The following PPARG variants were observed in gnomAD, a reference collection of about 807,000 sequenced individuals.
The protein encoded by PPARG is peroxisome proliferator activated receptor gamma, also known as peroxisome proliferator-activated receptor gamma.
PPARG carries 17 observed loss-of-function variants against 39.2 expected under a neutral mutation model. That is an observed-to-expected ratio of 0.43 (90% CI 0.30 to 0.65). The LOEUF is 0.65. PPARG is among the 30% of genes least tolerant of loss of function. PPARG has a pLI of 0.13. For synonymous variants in PPARG, 223 were observed against 215.7 expected (o/e 1.03, Z -0.30); for missense variants, 406 against 585.9 (o/e 0.69, Z 3.17).
intron 2 of PPARG, among the ~76,000 whole-genome samples, chr3:12,323,462 G>A (rs1465783359): frequency 2.0e-5 from 3 of 150,978 alleles, no homozygotes; most frequent in South Asian, 2.1e-4. Flanking sequence ...CAAAGGAGGG[G>A]ACTTTTAAGA....
At chr3:12,345,188 A>G (rs970364348) in intron 2 of PPARG, among the ~76,000 whole-genome samples, 3 of 152,198 alleles carry the variant, frequency 2.0e-5, no homozygotes, top group African/African-American at 7.2e-5. Context: ...AAAACATCAT[A>G]CCAGAAGAAC....
At chr3:12,367,638 C>T (rs575080656) in intron 2 of PPARG, among the ~76,000 whole-genome samples, 2 of 150,408 alleles carry the variant, frequency 1.3e-5, no homozygotes, top group Non-Finnish European at 3.0e-5. Context: ...TGCTTGAGTC[C>T]GGGAGTTTGA....
chr3:12,387,376 C>T (rs1394264972), intron 4 of PPARG, among the ~76,000 whole-genome samples: 3 of 152,162 alleles, frequency 2.0e-5, no homozygotes, highest in African/African-American at 2.4e-5. Flanking sequence ...TCCTCTCCAG[C>T]GTCTGTTTTT....
chr3:12,389,701 G>T (rs897318508), intron 4 of PPARG, among the ~76,000 whole-genome samples: 1 of 152,034 alleles, frequency 6.6e-6, no homozygotes, highest in Non-Finnish European at 1.5e-5. Context: ...GACCAGCCTG[G>T]CCAACTTGGT....
intron 2 of PPARG, among the ~76,000 whole-genome samples, chr3:12,330,876 G>A (rs1399786876): frequency 6.6e-6 from 1 of 152,088 alleles, no homozygotes. Context: ...ACAGATTCTT[G>A]GAGATCCACA....
intron 7 of PPARG, 51 bp from the exon 8 acceptor site, chr3:12,433,847 A>G (rs1043651108): frequency 6.2e-7 from 1 of 1,612,596 alleles, no homozygotes; most frequent in Non-Finnish European, 8.5e-7. Context: ...CGGGGCCCAG[A>G]GGATTTTTTG....
intron 2 of PPARG, among the ~76,000 whole-genome samples, chr3:12,364,707 G>A (rs2048959698): frequency 6.6e-6 from 1 of 152,186 alleles, no homozygotes; most frequent in Non-Finnish European, 1.5e-5. Flanking sequence ...TCAGCATTTG[G>A]TGGTGTTAGT....
In PPARG at chr3:12,306,165, T is replaced by C. The variant is rs2047057852; in HGVS notation, c.-82-6215T>C. On this transcript the variant is annotated intron_variant, in intron 1 of 7. Transcript: ENST00000651735. ...GGTTTCAGGATGAAACTGTTCCACCTTAGATCATCAGGCATTAGTTAGATT... is the reference window on the plus strand; with the variant it reads ...GGTTTCAGGATGAAACTGTTCCACCCTAGATCATCAGGCATTAGTTAGATT... Among the ~76,000 whole-genome samples, 4 of 152,242 alleles carry C rather than the reference T, an allele frequency of 2.6e-5. 1 individual carries two copies. Among genetic ancestry groups the C allele is most frequent in the Admixed American group, 2.6e-4 (4 of 15,288 alleles).
chr3:12,401,855 C>G (rs539279788), intron 5 of PPARG, among the ~76,000 whole-genome samples: 1 of 152,186 alleles, frequency 6.6e-6, no homozygotes, highest in South Asian at 2.1e-4. Context: ...TTAGAGTTAG[C>G]CTTTGGGGGG....
At chr3:12,432,162 G>A (rs573465167) in intron 7 of PPARG, among the ~76,000 whole-genome samples, 3 of 152,318 alleles carry the variant, frequency 2.0e-5, no homozygotes, top group Admixed American at 1.3e-4. Context: ...TCAGGGAACA[G>A]ATCATTACTG....
upstream of PPARG, chr3:12,287,470 T>C (rs920144167): frequency 6.6e-6 from 1 of 152,202 alleles, no homozygotes; most frequent in Non-Finnish European, 1.5e-5. Context: ...TTTTAAAATG[T>C]CACTGGAAAG....
rs1559515493 is a variant in PPARG, at chr3:12,379,788, A to G, written c.77A>G (p.His26Arg). 1.9e-6 allele frequency: 3 copies of G among 1,613,688 alleles called. No individual in the cohort carries two copies. The highest frequency in any genetic ancestry group is 1.7e-5 in the Admixed American group (1 of 59,952). ...GTGGATCTCTCCGTAATGGAAGACC[A>G]CTCCCACTCCTTTGATATCAAGCCC... The part of the protein sequence containing the change: ...SSVDLSVMED[H>R]SHSFDIKPFT... Residue 26 changes from histidine (H) to arginine (R), a missense_variant, in exon 3 of 8, where the codon CAC becomes CGC. This residue lies in a region of PPARG where 131 missense variants were observed against 127.9 expected (regional missense o/e 1.02). Transcript: ENST00000651735.
intron 1 of PPARG, among the ~76,000 whole-genome samples, chr3:12,310,526 G>C (rs1438025846): frequency 9.2e-6 from 1 of 109,184 alleles, no homozygotes; most frequent in East Asian, 4.1e-4. Flanking sequence ...TGCAGTGGCG[G>C]GATCTCGGCT....
At position 12,296,254 on chromosome 3, in the gene PPARG, CAAAAAAA is replaced by C. The variant is rs545210244; in HGVS notation, c.-83+7139_-83+7145del. 7.2e-4 allele frequency among the ~76,000 whole-genome samples: 35 copies of C among 48,648 alleles called. 1 individual carries two copies. The East Asian group carries it at 0.013, about 17-fold the overall frequency. The allele number at this position is 48,648 out of a possible 152,430, so 31.9% of individuals were successfully genotyped here. A position where few individuals can be genotyped will look rare whatever the true frequency, so the allele number is the denominator to read the frequency against. On this transcript the variant is annotated intron_variant, in intron 1 of 7. Transcript: ENST00000651735. ...TGGGCAACAGAGCAACACTTTGTCT[CAAAAAAA>C]AAAAAAAAAAAAAAAAAAGAATAAA...
intron 4 of PPARG, among the ~76,000 whole-genome samples, chr3:12,385,231 A>G (rs891734104): frequency 2.0e-5 from 3 of 152,246 alleles, no homozygotes; most frequent in African/African-American, 7.2e-5. Flanking sequence ...CATAATTAAA[A>G]TACAGTTGAC....
At chr3:12,364,867 C>T (rs369097784) in intron 2 of PPARG, among the ~76,000 whole-genome samples, 1 of 152,284 alleles carries the variant, frequency 6.6e-6, no homozygotes, top group African/African-American at 2.4e-5. Context: ...ATATTTTGCT[C>T]ATTTTTAAAA....
In PPARG at chr3:12,379,877, A is replaced by G. The variant is rs2049574549; in HGVS notation, c.166A>G (p.Thr56Ala). ...TTACGAAGACATTCCATTCACAAGA[A>G]CAGATCCAGTGGTTGCAGATTACAA... ...PHYEDIPFTRTDPVVADYKYD... is the reference protein window; with the variant it reads ...PHYEDIPFTRADPVVADYKYD... The change falls in exon 3 of 8, where the codon ACA (threonine) becomes GCA (alanine). Residue 56 changes from threonine (T) to alanine (A), a missense_variant. Coordinates refer to ENST00000651735, the MANE Select transcript of PPARG (RefSeq NM_138711.6). The G allele has an allele frequency of 6.2e-7, 1 of 1,613,908 alleles. No homozygotes were observed. Among genetic ancestry groups the G allele is most frequent in the East Asian group, 2.2e-5 (1 of 44,862 alleles).
At chr3:12,391,204 CTA>C (rs2050065759) in intron 4 of PPARG, among the ~76,000 whole-genome samples, 1 of 152,168 alleles carries the variant, frequency 6.6e-6, no homozygotes, top group South Asian at 2.1e-4. Flanking sequence ...GTATAAGAGA[CTA>C]TTCCTGCCGC....
chr3:12,372,853 C>T (rs964084639), intron 2 of PPARG, among the ~76,000 whole-genome samples: 4 of 152,068 alleles, frequency 2.6e-5, no homozygotes, highest in African/African-American at 9.7e-5. Context: ...CATTTAAAGC[C>T]AAGTTTGAAG....
Sources: allele counts gnomAD v4.1 joint callset (sites outside exome capture counted in the v4.1 genomes callset), GRCh38; gene constraint gnomAD v4.1.1; regional missense constraint gnomAD v4.1.1; transcripts MANE v1.5; gene names NCBI Gene and HGNC (gene_info 2026-07-23, HGNC 2026-07-21).